Variants in TAX1BP1 observed in about 807,000 individuals in gnomAD.
TAX1BP1 encodes the protein Tax1 binding protein 1, also known as tax1-binding protein 1.
A neutral mutation model predicts 97.7 loss-of-function variants in TAX1BP1; 62 were observed. The observed-to-expected ratio is 0.63, with a 90% CI of 0.52 to 0.78. TAX1BP1 has a LOEUF of 0.78. TAX1BP1 is among the 30% of genes least tolerant of loss of function. The pLI is 0.00. For missense variants in TAX1BP1, 867 were observed against 916.1 expected, an observed-to-expected ratio of 0.95 and a Z score of 0.69; for synonymous variants, 340 against 304.2, an observed-to-expected ratio of 1.12 and a Z score of -1.23.
chr7:27,756,600 CA>C (rs1788225467), intron 2 of TAX1BP1, among the ~76,000 whole-genome samples: 1 of 152,114 alleles, frequency 6.6e-6, no homozygotes, highest in East Asian at 1.9e-4. Flanking sequence ...ATACAGCTAG[CA>C]AATTATCTTT....
chr7:27,775,157 AAAAAAATAATCCAAGT>A (rs1451731046), intron 5 of TAX1BP1, among the ~76,000 whole-genome samples: 1 of 152,146 alleles, frequency 6.6e-6, no homozygotes, highest in African/African-American at 2.4e-5. Flanking sequence ...TACTGCCAGG[AAAAAAATAATCCAAGT>A]AAACTAAGAC....
chr7:27,827,768 C>T lies in TAX1BP1; in HGVS notation c.2116C>T (p.Pro706Ser). The change falls in exon 16 of 17, where the codon CCT becomes TCT. Residue 706 changes from proline (P) to serine (S), a missense_variant. Around this residue, in one of 3 missense-constraint regions of TAX1BP1, gnomAD observed 822 missense variants for 851.4 expected, o/e 0.97. Coordinates refer to ENST00000396319, the MANE Select transcript of TAX1BP1 (RefSeq NM_006024.7). The part of the protein sequence containing the change: ...EDENVPTAPD[P>S]PSQHLRGHGT... ...TGAGAATGTGCCTACTGCTCCTGAT[C>T]CTCCAAGTCAACATTTACGTGGGCA... is the stretch of plus-strand genomic sequence containing the variant. 1 of 1,613,916 alleles carries T rather than the reference C, an allele frequency of 6.2e-7. No homozygotes were observed. Among genetic ancestry groups the T allele is most frequent in the Non-Finnish European group, 8.5e-7 (1 of 1,179,876 alleles).
At chr7:27,784,044 A>G (rs1322958180) in intron 5 of TAX1BP1, among the ~76,000 whole-genome samples, 2 of 152,204 alleles carry the variant, frequency 1.3e-5, no homozygotes, top group Non-Finnish European at 1.5e-5. Context: ...TAATGTAGCA[A>G]TGTTCATATT....
At chr7:27,758,159 A>G (rs1177419335) in intron 3 of TAX1BP1, 26 bp downstream of exon 3, 8 of 1,526,208 alleles carry the variant, frequency 5.2e-6, no homozygotes, top group Admixed American at 1.8e-5. Context: ...TGCAGAACTC[A>G]ATGAAACTAG....
intron 10 of TAX1BP1, among the ~76,000 whole-genome samples, chr7:27,793,747 T>A (rs575738006): frequency 5.1e-4 from 77 of 152,318 alleles, no homozygotes; most frequent in African/African-American, 1.8e-3. Context: ...TGTTTTGAGG[T>A]ATGTATGTTT....
At chr7:27,797,462 G>GT (rs888562000) in intron 12 of TAX1BP1, among the ~76,000 whole-genome samples, 3 of 151,828 alleles carry the variant, frequency 2.0e-5, no homozygotes, top group Admixed American at 1.3e-4. Context: ...ATTTTTGTTT[G>GT]TTTTTTTAAA....
intron 1 of TAX1BP1, among the ~76,000 whole-genome samples, chr7:27,747,866 A>G (rs960820003): frequency 1.4e-5 from 2 of 145,852 alleles, no homozygotes; most frequent in South Asian, 2.2e-4. Context: ...GTTGTCATCT[A>G]TTTTTTTTTT....
Position 27,828,902 on chromosome 7 carries a change from TGAG to T in TAX1BP1, c.*77_*79del, listed in dbSNP as rs1782589811. ...AAAAACCACACCTAAAATAGACCAC[TGAG>T]GAGACCATAGAGCGGATGCTTTCAT... On this transcript the variant is annotated 3_prime_UTR_variant, in exon 17 of 17. Coordinates refer to ENST00000396319, the MANE Select transcript of TAX1BP1 (RefSeq NM_006024.7). 4.0e-6 allele frequency: 5 copies of T among 1,257,852 alleles called. No individual in the cohort carries two copies. Among genetic ancestry groups the T allele is most frequent in the Non-Finnish European group, 4.4e-6 (4 of 907,266 alleles). 77.9% of individuals were successfully genotyped at this position (1,257,852 alleles called of 1,614,324 possible).
intron 5 of TAX1BP1, among the ~76,000 whole-genome samples, chr7:27,783,362 G>A (rs189871919): frequency 3.3e-5 from 5 of 152,264 alleles, no homozygotes; most frequent in Non-Finnish European, 4.4e-5. Flanking sequence ...TAAGAACGAC[G>A]GAGCCACATT....
intron 5 of TAX1BP1, among the ~76,000 whole-genome samples, chr7:27,775,000 G>T (rs1460453154): frequency 1.3e-5 from 2 of 152,070 alleles, no homozygotes; most frequent in Non-Finnish European, 2.9e-5. Context: ...TTTAAATTAT[G>T]TTGCACATTT....
At position 27,829,140 on chromosome 7, in the gene TAX1BP1, C is replaced by T. The variant is rs917690319; in HGVS notation, c.*311C>T. The T allele has an allele frequency of 4.3e-6, 1 of 230,102 alleles. No individual in the cohort carries two copies. The highest frequency in any genetic ancestry group is 8.4e-6 in the Non-Finnish European group (1 of 119,512). The allele number at this position is 230,102 out of a possible 1,614,324, so 14.3% of individuals were successfully genotyped here. On this transcript the variant is annotated 3_prime_UTR_variant, in exon 17 of 17. Coordinates refer to ENST00000396319, the MANE Select transcript of TAX1BP1 (RefSeq NM_006024.7). ...CAAGGATTATTTCAATGTTACTGCA[C>T]TGAAAAACGTGTATGTATTAGTGTG...
In TAX1BP1 at chr7:27,828,796, C is replaced by T; in HGVS notation, c.2337C>T (p.Thr779=). Residue 779 remains threonine, a synonymous_variant, in exon 17 of 17, where the codon ACC becomes ACT. Transcript: ENST00000396319. ...DQQVFERHVQ[T]HFDQNVLNFD ...AGGTGTTTGAAAGGCATGTGCAGAC[C>T]CATTTTGATCAGAATGTTCTAAATT... 1.2e-6 allele frequency: 2 copies of T among 1,612,650 alleles called. No individual in the cohort carries two copies. Among genetic ancestry groups the T allele is most frequent in the East Asian group, 2.2e-5 (1 of 44,808 alleles).
At chr7:27,819,874 G>T (rs547704647) in intron 15 of TAX1BP1, among the ~76,000 whole-genome samples, 4 of 152,012 alleles carry the variant, frequency 2.6e-5, no homozygotes, top group East Asian at 1.9e-4. Context: ...AGTAACCCTC[G>T]GAATTTACTG....
At chr7:27,774,585 G>A (rs1193571092) in intron 5 of TAX1BP1, among the ~76,000 whole-genome samples, 1 of 152,032 alleles carries the variant, frequency 6.6e-6, no homozygotes, top group Non-Finnish European at 1.5e-5. Context: ...GTCTGAAGGT[G>A]ACGTTTTATT....
intron 15 of TAX1BP1, among the ~76,000 whole-genome samples, chr7:27,824,087 T>C (rs1791079787): frequency 4.6e-5 from 7 of 152,202 alleles, no homozygotes; most frequent in Admixed American, 4.6e-4. Context: ...GGGTTCGTGA[T>C]TGAACATATC....
intron 1 of TAX1BP1, among the ~76,000 whole-genome samples, chr7:27,743,207 T>A (rs1163579795): frequency 6.6e-6 from 1 of 152,226 alleles, no homozygotes; most frequent in Non-Finnish European, 1.5e-5. Flanking sequence ...AATAGGGATG[T>A]CTGCAAGGGT....
At chr7:27,765,758 C>A in intron 3 of TAX1BP1, 76 bp from the exon 4 acceptor site, 3 of 1,273,810 alleles carry the variant, frequency 2.4e-6, no homozygotes, top group Non-Finnish European at 3.3e-6. Context: ...TGAGACATGG[C>A]AAGTATTGTT....
intron 5 of TAX1BP1, among the ~76,000 whole-genome samples, chr7:27,774,215 G>A (rs17155818): frequency 0.041 from 6,283 of 151,952 alleles, 407 homozygotes; most frequent in African/African-American, 0.14. Flanking sequence ...TATCTTTTTG[G>A]CTGTTTCTTC....
chr7:27,821,256 A>C (rs576023015), intron 15 of TAX1BP1, among the ~76,000 whole-genome samples: 2 of 152,310 alleles, frequency 1.3e-5, no homozygotes, highest in Non-Finnish European at 2.9e-5. Flanking sequence ...GAGGCTTTTA[A>C]AATGTTATTA....
Sources: allele counts gnomAD v4.1 joint callset (sites outside exome capture counted in the v4.1 genomes callset), GRCh38; gene constraint gnomAD v4.1.1; regional missense constraint gnomAD v4.1.1; transcripts MANE v1.5; gene names NCBI Gene and HGNC (gene_info 2026-07-23, HGNC 2026-07-21).